The following CEP295 variants were observed in gnomAD, a reference collection of about 807,000 sequenced individuals.
CEP295 encodes centrosomal protein of 295 kDa.
CEP295 carries 190 observed loss-of-function variants against 291.6 expected under a neutral mutation model. The ratio of observed to expected loss-of-function variants is 0.65; its 90% CI spans 0.58 to 0.73. The LOEUF (loss-of-function observed/expected upper bound fraction) is 0.73. CEP295 is among the 30% of genes least tolerant of loss of function. The probability of loss-of-function intolerance (pLI) is 0.00; values close to 1 mark genes in which losing one functional copy is unlikely to be tolerated. For synonymous variants in CEP295, 993 were observed against 1,038.8 expected (o/e 0.96, Z 0.85); for missense variants, 2,863 against 2,949.4 (o/e 0.97, Z 0.68).
rs115600502 is a variant in CEP295 at position 93,711,213 on chromosome 11, T to C, written c.5749+4316T>C. ...TTTTAGGTTGTTGATTTGAAGTTTT[T>C]CTTCTTTTTTTATGTAGATACTTAA... On this transcript the variant is annotated intron_variant, in intron 18 of 29. Transcript: ENST00000325212. Among the ~76,000 whole-genome samples the C allele has an allele frequency of 7.4e-3, 1,134 of 152,278 alleles. 11 individuals are homozygous for C. Among genetic ancestry groups the C allele is most frequent in the African/African-American group, 0.026 (1,093 of 41,590 alleles).
intron 6 of CEP295, among the ~76,000 whole-genome samples, chr11:93,677,534 T>A (rs1023783007): frequency 6.6e-6 from 1 of 152,210 alleles, no homozygotes; most frequent in Non-Finnish European, 1.5e-5. Context: ...TCGCTACCTC[T>A]ACACACAACT....
chr11:93,713,666 G>A (rs1234257190), intron 18 of CEP295, among the ~76,000 whole-genome samples: 1 of 152,014 alleles, frequency 6.6e-6, no homozygotes, highest in Non-Finnish European at 1.5e-5. Context: ...AATCTGCTTG[G>A]TGTTCTCTGT....
chr11:93,699,506 C>G lies in CEP295; in HGVS notation c.4594C>G (p.Gln1532Glu). ...IQEVQEELLL[Q>E]RLSELEKRVS... The stretch of plus-strand genomic sequence containing the variant: ...GGAAGTCCAAGAAGAATTGCTTTTG[C>G]AAAGATTAAGTGAATTGGAGAAAAG... Residue 1532 changes from glutamine (Q) to glutamate (E), a missense_variant, in exon 15 of 30, where the codon CAA becomes GAA. Coordinates refer to ENST00000325212, the MANE Select transcript of CEP295 (RefSeq NM_033395.2). The G allele has an allele frequency of 6.4e-7, 1 of 1,551,780 alleles. No individual in the cohort carries two copies. Among genetic ancestry groups the G allele is most frequent in the Non-Finnish European group, 8.7e-7 (1 of 1,147,038 alleles).
chr11:93,682,871 A>G (rs188784408), intron 7 of CEP295, among the ~76,000 whole-genome samples: 4 of 151,758 alleles, frequency 2.6e-5, no homozygotes, highest in Non-Finnish European at 5.9e-5. Flanking sequence ...TCTTACATGT[A>G]CTCATTCTCT....
In CEP295 at chr11:93,702,656, A is replaced by T. The variant is rs1952243395; in HGVS notation, c.5452+19A>T. 1 of 1,533,762 alleles carries T rather than the reference A, an allele frequency of 6.5e-7. No individual in the cohort carries two copies. The highest frequency in any genetic ancestry group is 8.8e-7 in the Non-Finnish European group (1 of 1,138,268). ...CAAAGTGGTAAGATAATTGTGTTTG[A>T]TTGTAATTATTTCACTGATTATTCC... is the stretch of plus-strand genomic sequence containing the variant. On this transcript the variant is annotated intron_variant, in intron 16 of 29. Coordinates refer to ENST00000325212, the MANE Select transcript of CEP295 (RefSeq NM_033395.2).
rs16919241 is a variant in CEP295 at position 93,707,458 on chromosome 11, G to A, written c.5749+561G>A. 6.6e-4 allele frequency among the ~76,000 whole-genome samples: 101 copies of A among 152,098 alleles called. 1 individual carries two copies. The highest frequency in any genetic ancestry group is 2.4e-3 in the African/African-American group (100 of 41,468). On this transcript the variant is annotated intron_variant, in intron 18 of 29. Transcript: ENST00000325212. Reference sequence around the variant, plus strand: ...GTAGTACTATTTTATTAGTTGTAAGGCATCTTTTAAGAAGTTACATTTTGG... The same window carrying A: ...GTAGTACTATTTTATTAGTTGTAAGACATCTTTTAAGAAGTTACATTTTGG...
intron 18 of CEP295, among the ~76,000 whole-genome samples, chr11:93,712,476 A>C (rs1952972285): frequency 1.3e-5 from 2 of 151,360 alleles, no homozygotes; most frequent in Non-Finnish European, 2.9e-5. Flanking sequence ...CTGGTCTCGA[A>C]CTCCTGACCT....
chr11:93,671,012 A>G (rs560857361), intron 5 of CEP295, among the ~76,000 whole-genome samples: 17 of 152,146 alleles, frequency 1.1e-4, no homozygotes, highest in African/African-American at 3.6e-4. Flanking sequence ...CCTCCTAGGT[A>G]GCTGGGATTA....
intron 9 of CEP295, among the ~76,000 whole-genome samples, chr11:93,685,466 AG>A (rs920310499): frequency 3.9e-5 from 6 of 152,188 alleles, no homozygotes; most frequent in African/African-American, 1.2e-4. Context: ...TGAGGGCTCT[AG>A]GCCTTATTCA....
chr11:93,729,632 C>G lies in CEP295; in HGVS notation c.7418C>G (p.Thr2473Arg). 1 of 1,550,844 alleles carries G rather than the reference C, an allele frequency of 6.4e-7. No homozygotes were observed. Among genetic ancestry groups the G allele is most frequent in the Non-Finnish European group, 8.7e-7 (1 of 1,146,762 alleles). ...CCAGCAGAAACCCCTCGCAGGCTTA[C>G]ACCTGTACCAGGGAGCTTACAAGAA... The part of the protein sequence containing the change: ...TASTETPRRL[T>R]PVPGSLQEAF... The change falls in exon 27 of 30, where the codon ACA becomes AGA. Residue 2473 changes from threonine to arginine, a missense_variant. Physicochemically the swap from Thr to Arg is moderately conservative, Grantham distance 71. Coordinates refer to ENST00000325212, the MANE Select transcript of CEP295 (RefSeq NM_033395.2).
chr11:93,716,482 C>G (rs920692127), intron 18 of CEP295, among the ~76,000 whole-genome samples: 4 of 152,146 alleles, frequency 2.6e-5, no homozygotes, highest in African/African-American at 4.8e-5. Context: ...TATGAAGGTA[C>G]TTTTTTATAT....
intron 12 of CEP295, among the ~76,000 whole-genome samples, chr11:93,693,542 G>A (rs141065585): frequency 6.6e-6 from 1 of 152,104 alleles, no homozygotes; most frequent in Non-Finnish European, 1.5e-5. Context: ...GATCACCTGA[G>A]GTCAGGAGTT....
intron 3 of CEP295, among the ~76,000 whole-genome samples, chr11:93,668,508 T>A (rs1950288747): frequency 1.3e-5 from 2 of 152,162 alleles, no homozygotes; most frequent in Non-Finnish European, 2.9e-5. Context: ...TTGCCCTGAC[T>A]GGGAAACTAC....
At chr11:93,691,806 A>T in intron 11 of CEP295, 31 bp downstream of exon 11, 1 of 1,399,052 alleles carries the variant, frequency 7.1e-7, no homozygotes, top group South Asian at 1.3e-5. Context: ...CTCAAATTAA[A>T]TTTGACTCCT....
At chr11:93,729,219 CCTAA>C in intron 25 of CEP295, 1 of 588,970 alleles carries the variant, frequency 1.7e-6, no homozygotes, top group South Asian at 2.2e-5. Context: ...GGCAGTGGAG[CCTAA>C]GCCCAGTTCA....
chr11:93,727,833 C>T, intron 24 of CEP295, 196 bp downstream of exon 24: 2 of 494,894 alleles, frequency 4.0e-6, no homozygotes, highest in Admixed American at 3.8e-5. Flanking sequence ...AAACCTGAAA[C>T]AAAATACAAG....
Position 93,699,588 on chromosome 11 carries a change from A to T in CEP295, c.4676A>T (p.Asp1559Val), listed in dbSNP as rs1430905122. The change falls in exon 15 of 30, where the codon GAC (aspartate) becomes GTC (valine). Residue 1559 changes from aspartate (D) to valine (V), a missense_variant. Around this residue, in one of 3 missense-constraint regions of CEP295, gnomAD observed 2,295 missense variants for 2,335.7 expected, o/e 0.98. Coordinates refer to ENST00000325212, the MANE Select transcript of CEP295 (RefSeq NM_033395.2). ...SSFVSQVPVA[D>V]SERTQKSFPT... ...TTTGTATCCCAGGTGCCTGTTGCTGACTCTGAAAGAACCCAGAAGTCTTTC... is the reference window on the plus strand; with the variant it reads ...TTTGTATCCCAGGTGCCTGTTGCTGTCTCTGAAAGAACCCAGAAGTCTTTC... 3 of 1,551,876 alleles carry T rather than the reference A, an allele frequency of 1.9e-6. No homozygotes were observed. The highest frequency in any genetic ancestry group is 2.6e-6 in the Non-Finnish European group (3 of 1,147,086).
intron 1 of CEP295, among the ~76,000 whole-genome samples, chr11:93,665,379 G>A (rs929409887): frequency 2.0e-5 from 3 of 152,104 alleles, no homozygotes; most frequent in Non-Finnish European, 2.9e-5. Context: ...ATCTAGGGAG[G>A]AGAGAGAGAA....
chr11:93,698,829 C>T lies in CEP295; in HGVS notation c.3917C>T (p.Ala1306Val). ...VQLSFTSLAS[A>V]ESGTILEPLF... ...CTTTCATTTACTTCGTTAGCTTCAG[C>T]TGAGTCTGGCACAATCCTGGAACCT... is the stretch of plus-strand genomic sequence containing the variant. The change falls in exon 15 of 30, where the codon GCT (alanine) becomes GTT (valine). Residue 1306 changes from alanine to valine, a missense_variant. Transcript: ENST00000325212. 1 of 1,551,738 alleles carries T rather than the reference C, an allele frequency of 6.4e-7. No homozygotes were observed. The highest frequency in any genetic ancestry group is 8.7e-7 in the Non-Finnish European group (1 of 1,146,994).
Sources: gnomAD v4.1 joint callset for allele counts (sites outside exome capture counted in the v4.1 genomes callset) on GRCh38, gnomAD v4.1.1 for gene constraint, gnomAD v4.1.1 regional missense constraint, MANE v1.5 for transcripts, NCBI Gene and HGNC (gene_info 2026-07-23, HGNC 2026-07-21) for gene names.